The following CARF variants were observed in gnomAD, a reference collection of about 807,000 sequenced individuals.
The protein encoded by CARF is calcium responsive transcription factor.
A neutral mutation model predicts 82.0 loss-of-function variants in CARF; 57 were observed. The observed-to-expected ratio is 0.70, with a 90% CI of 0.56 to 0.87. CARF has a LOEUF of 0.87. Among genes scored for constraint, CARF ranks in the 40% least tolerant of loss-of-function variants. The pLI is 0.00. For missense variants in CARF, 771 were observed against 855.8 expected (o/e 0.90, Z 1.24); for synonymous variants, 268 against 290.1 (o/e 0.92, Z 0.77).
chr2:202,952,152 G>A (rs1449304332), intron 5 of CARF, among the ~76,000 whole-genome samples: 2 of 152,088 alleles, frequency 1.3e-5, no homozygotes, highest in Admixed American at 6.6e-5. Flanking sequence ...ATTTTTAAAC[G>A]AAGGAAGATG....
chr2:202,921,891 T>G (rs1690874507), intron 2 of CARF, among the ~76,000 whole-genome samples: 1 of 152,080 alleles, frequency 6.6e-6, no homozygotes. Context: ...AGTGGCATGA[T>G]TATGACTCAC....
At chr2:202,958,523 T>TG (rs1045378860) in intron 8 of CARF, among the ~76,000 whole-genome samples, 4 of 152,120 alleles carry the variant, frequency 2.6e-5, no homozygotes, top group Admixed American at 2.6e-4. Context: ...TGAGTACTCC[T>TG]GTCCAACAGA....
At chr2:202,920,313 C>T (rs577298157) in intron 2 of CARF, among the ~76,000 whole-genome samples, 19 of 151,970 alleles carry the variant, frequency 1.3e-4, no homozygotes, top group Non-Finnish European at 1.9e-4. Flanking sequence ...CCATCATGCC[C>T]GGCTAATGTT....
At chr2:202,942,538 T>A (rs1230636405) in intron 4 of CARF, 2 of 811,120 alleles carry the variant, frequency 2.5e-6, no homozygotes, top group East Asian at 2.5e-4. Flanking sequence ...CTGTGGACAA[T>A]TTTGGTAAAA....
chr2:202,956,360 A>G (rs2059041509), intron 8 of CARF, among the ~76,000 whole-genome samples: 1 of 151,922 alleles, frequency 6.6e-6, no homozygotes, highest in Non-Finnish European at 1.5e-5. Flanking sequence ...GGTTCAAGCG[A>G]TTCTTGTGCC....
At chr2:202,916,190 A>G (rs1454771348) in intron 1 of CARF, among the ~76,000 whole-genome samples, 1 of 151,148 alleles carries the variant, frequency 6.6e-6, no homozygotes, top group Non-Finnish European at 1.5e-5. Context: ...TTATTTATTT[A>G]TTTATTTTTG....
chr2:202,949,527 T>G (rs1466161872), intron 5 of CARF, among the ~76,000 whole-genome samples: 4 of 138,802 alleles, frequency 2.9e-5, no homozygotes, highest in African/African-American at 8.3e-5. Flanking sequence ...TTATTATTAT[T>G]ATTATTATTA....
Position 202,942,780 on chromosome 2 carries a change from A to G in CARF, c.119A>G (p.Gln40Arg). ...GACTCCAGGGATTCTTCCTTTGGAC[A>G]AAATGATTCTCCTACAGTTTTGCCC... Reference protein sequence around the residue: ...CMDSRDSSFGQNDSPTVLPIT... With the variant: ...CMDSRDSSFGRNDSPTVLPIT... The change falls in exon 5 of 17, where the codon CAA (glutamine) becomes CGA (arginine). Residue 40 changes from glutamine to arginine, a missense_variant. Transcript: ENST00000438828. 6.2e-7 allele frequency: 1 copy of G among 1,614,110 alleles called. No homozygotes were observed. The highest frequency in any genetic ancestry group is 1.3e-5 in the African/African-American group (1 of 75,044).
intron 2 of CARF, among the ~76,000 whole-genome samples, chr2:202,920,843 C>A (rs1690662919): frequency 6.6e-6 from 1 of 151,918 alleles, no homozygotes; most frequent in African/African-American, 2.4e-5. Context: ...CTCAATAGGA[C>A]CTTATTTGCA....
intron 5 of CARF, among the ~76,000 whole-genome samples, chr2:202,945,841 T>G (rs1364931457): frequency 1.3e-5 from 2 of 152,226 alleles, no homozygotes; most frequent in Non-Finnish European, 2.9e-5. Flanking sequence ...ATAGGATTGC[T>G]GGGTTGAATG....
At chr2:202,931,735 TG>T (rs1024455818) in intron 3 of CARF, among the ~76,000 whole-genome samples, 2 of 145,330 alleles carry the variant, frequency 1.4e-5, no homozygotes, top group African/African-American at 5.7e-5. Context: ...CAGCAATAAC[TG>T]GGTGCTCATT....
intron 5 of CARF, among the ~76,000 whole-genome samples, chr2:202,945,394 C>A (rs1262737525): frequency 6.6e-6 from 1 of 152,118 alleles, no homozygotes; most frequent in African/African-American, 2.4e-5. Context: ...TCAGATTGTA[C>A]AAGTTATTTC....
intron 2 of CARF, among the ~76,000 whole-genome samples, chr2:202,920,049 A>G (rs1037381551): frequency 9.9e-5 from 15 of 152,206 alleles, no homozygotes; most frequent in Non-Finnish European, 8.8e-5. Flanking sequence ...AATAGGTCCT[A>G]TATCACAGAA....
At chr2:202,964,561 A>G (rs115194657) in intron 9 of CARF, among the ~76,000 whole-genome samples, 13,568 of 152,110 alleles carry the variant, frequency 0.089, 737 homozygotes, top group Non-Finnish European at 0.12. Flanking sequence ...TATTACAGGC[A>G]TGAGCCACTG....
chr2:202,951,698 C>G (rs1313912115), intron 5 of CARF, among the ~76,000 whole-genome samples: 1 of 152,010 alleles, frequency 6.6e-6, no homozygotes, highest in African/African-American at 2.4e-5. Context: ...AAAAAAAGTA[C>G]AATAAATATA....
intron 11 of CARF, 149 bp downstream of exon 11, chr2:202,970,211 T>C (rs2059731589): frequency 4.1e-6 from 3 of 727,102 alleles, no homozygotes. Flanking sequence ...AGGTATTAAA[T>C]TGATTTGCCA....
intron 7 of CARF, among the ~76,000 whole-genome samples, chr2:202,955,308 A>T (rs1453371244): frequency 6.6e-6 from 1 of 152,204 alleles, no homozygotes; most frequent in East Asian, 1.9e-4. Flanking sequence ...CTTAGCCAAA[A>T]GTCCAAGAAG....
At chr2:202,925,739 A>G in intron 3 of CARF, 1 of 182,364 alleles carries the variant, frequency 5.5e-6, no homozygotes, top group Non-Finnish European at 1.2e-5. Flanking sequence ...CAAGCAAGAC[A>G]TGGCCTGTCA....
intron 8 of CARF, among the ~76,000 whole-genome samples, chr2:202,956,829 C>T (rs1014249639): frequency 2.0e-5 from 3 of 152,030 alleles, no homozygotes; most frequent in African/African-American, 4.8e-5. Context: ...CGCTCTGTCA[C>T]GCAGGCTGGA....
Sources: gnomAD v4.1 joint callset for allele counts (sites outside exome capture counted in the v4.1 genomes callset) on GRCh38, gnomAD v4.1.1 for gene constraint, MANE v1.5 for transcripts, NCBI Gene and HGNC (gene_info 2026-07-23, HGNC 2026-07-21) for gene names.